The following FAM120A variants were observed in gnomAD, a reference collection of about 807,000 sequenced individuals.
The protein encoded by FAM120A is family with sequence similarity 120 member A, also known as constitutive coactivator of PPAR-gamma-like protein 1.
FAM120A carries 15 observed loss-of-function variants against 109.7 expected under a neutral mutation model. That is an observed-to-expected ratio of 0.14 (90% CI 0.09 to 0.21). FAM120A has a LOEUF of 0.21. FAM120A is among the 10% of genes least tolerant of loss of function. The probability of loss-of-function intolerance (pLI) is 1.00; values close to 1 mark genes in which losing one functional copy is unlikely to be tolerated. For synonymous variants in FAM120A, 493 were observed against 572.8 expected, an observed-to-expected ratio of 0.86 and a Z score of 1.99; for missense variants, 899 against 1,439.3, an observed-to-expected ratio of 0.62 and a Z score of 6.07.
chr9:93,471,093 G>A (rs755467517), intron 1 of FAM120A, 48 bp from the exon 2 acceptor site: 1 of 1,593,398 alleles, frequency 6.3e-7, no homozygotes, highest in South Asian at 1.1e-5. Context: ...TGAGCTTGTT[G>A]CTACAGTGTT....
At position 93,564,259 on chromosome 9, in the gene FAM120A, G is replaced by C; in HGVS notation, c.3076G>C (p.Glu1026Gln). The stretch of plus-strand genomic sequence containing the variant: ...ACCTCCTTATGCTGCTTCAGCAGAA[G>C]AAGTGGCCAAAGAACTTAAGTCAAA... ...GRPPYAASAE[E>Q]VAKELKSKSG... The change falls in exon 18 of 18, where the codon GAA (glutamate) becomes CAA (glutamine). Residue 1026 changes from glutamate to glutamine, a missense_variant. Physicochemically the swap from Glu to Gln is conservative, Grantham distance 29. Around this residue, in one of 11 missense-constraint regions of FAM120A, gnomAD observed 170 missense variants for 205.0 expected, o/e 0.83. Transcript: ENST00000277165. The C allele has an allele frequency of 3.7e-6, 6 of 1,613,506 alleles. No homozygotes were observed. Among genetic ancestry groups the C allele is most frequent in the Non-Finnish European group, 5.1e-6 (6 of 1,179,402 alleles).
chr9:93,537,869 T>C (rs556466320), intron 10 of FAM120A, among the ~76,000 whole-genome samples: 28 of 152,374 alleles, frequency 1.8e-4, no homozygotes, highest in Admixed American at 5.9e-4. Flanking sequence ...TAAGTCTGTC[T>C]GAATTTCTTT....
In FAM120A at chr9:93,452,022, G is replaced by A; in HGVS notation, c.107G>A (p.Arg36Gln). The A allele has an allele frequency of 1.9e-6, 3 of 1,560,052 alleles. No individual in the cohort carries two copies. Among genetic ancestry groups the A allele is most frequent in the Non-Finnish European group, 2.6e-6 (3 of 1,153,330 alleles). Residue 36 changes from arginine (R) to glutamine (Q), a missense_variant, in exon 1 of 18, where the codon CGG becomes CAG. This residue lies in a region of FAM120A where 258 missense variants were observed against 451.4 expected (regional missense o/e 0.57). Coordinates refer to ENST00000277165, the MANE Select transcript of FAM120A (RefSeq NM_014612.5). The surrounding 1 kb of genome is among the most constrained non-coding windows in gnomAD (Gnocchi z 7.0). ...LARGSLVGGG[R>Q]QRPPQTPLRL... The stretch of plus-strand genomic sequence containing the variant: ...CGGGGCAGCCTGGTGGGCGGCGGGC[G>A]GCAGCGGCCCCCGCAGACCCCGCTG...
intron 10 of FAM120A, among the ~76,000 whole-genome samples, chr9:93,535,367 C>T (rs1467847972): frequency 6.6e-6 from 1 of 152,112 alleles, no homozygotes; most frequent in Non-Finnish European, 1.5e-5. Flanking sequence ...AGTTGGATAG[C>T]GATGTATGGA....
chr9:93,527,614 ATTTTTTTTTTTTTTT>A (rs67894788), intron 8 of FAM120A, among the ~76,000 whole-genome samples: 1 of 80,638 alleles, frequency 1.2e-5, no homozygotes, highest in African/African-American at 4.2e-5. Flanking sequence ...TTTGTATTTA[ATTTTTTTTTTTTTTT>A]TTTTTTTTTT....
intron 15 of FAM120A, among the ~76,000 whole-genome samples, chr9:93,559,515 G>A (rs137912089): frequency 1.8e-4 from 28 of 152,368 alleles, no homozygotes; most frequent in South Asian, 8.3e-4. Flanking sequence ...GTGCGGAAAG[G>A]TGACTTGCAG....
intron 1 of FAM120A, among the ~76,000 whole-genome samples, chr9:93,455,795 TG>T (rs1430610153): frequency 6.6e-6 from 1 of 152,118 alleles, no homozygotes; most frequent in Non-Finnish European, 1.5e-5. Context: ...CCCTAGTAGC[TG>T]GGATTATAGG....
chr9:93,509,251 C>A (rs1320175209), intron 5 of FAM120A, among the ~76,000 whole-genome samples: 1 of 152,244 alleles, frequency 6.6e-6, no homozygotes, highest in Non-Finnish European at 1.5e-5. Context: ...CTGGACCCAC[C>A]CAGTGGCCCT....
intron 3 of FAM120A, among the ~76,000 whole-genome samples, chr9:93,481,042 G>A (rs551384251): frequency 6.6e-6 from 1 of 152,340 alleles, no homozygotes; most frequent in South Asian, 2.1e-4. Context: ...GTGCCCCCAT[G>A]CCTGCCTCCT....
In FAM120A at chr9:93,460,185, A is replaced by G. The variant is rs1425546104; in HGVS notation, c.474+7796A>G. On this transcript the variant is annotated intron_variant, in intron 1 of 17. Transcript: ENST00000277165. ...GAATAAATGTCAAATATCGCGTAAC[A>G]TGAAGAAGAGAGATTTTAGGATTTG... is the stretch of plus-strand genomic sequence containing the variant. 2.0e-5 allele frequency among the ~76,000 whole-genome samples: 3 copies of G among 152,348 alleles called. No individual in the cohort carries two copies. The South Asian group carries it at 6.2e-4, about 32-fold the overall frequency.
Position 93,476,312 on chromosome 9 carries a change from C to G in FAM120A, c.778C>G (p.Pro260Ala), listed in dbSNP as rs758674167. 1 of 1,607,930 alleles carries G rather than the reference C, an allele frequency of 6.2e-7. No homozygotes were observed. Among genetic ancestry groups the G allele is most frequent in the Non-Finnish European group, 8.5e-7 (1 of 1,174,700 alleles). Residue 260 changes from proline to alanine, a missense_variant, in exon 3 of 18, where the codon CCA (proline) becomes GCA (alanine). Coordinates refer to ENST00000277165, the MANE Select transcript of FAM120A (RefSeq NM_014612.5). ...TTCCTTTCACTGGAGTTTACTTGGT[C>G]CAGAACATCCACTAGCCTCACTAAA... ...LASFHWSLLG[P>A]EHPLASLKVR...
intron 3 of FAM120A, 59 bp downstream of exon 3, chr9:93,476,397 A>G: frequency 8.7e-7 from 1 of 1,148,882 alleles, no homozygotes; most frequent in South Asian, 1.2e-5. Flanking sequence ...GTTTGCTATT[A>G]CTTTAATAAC....
At chr9:93,510,778 G>T (rs1286972069) in intron 5 of FAM120A, among the ~76,000 whole-genome samples, 4 of 151,868 alleles carry the variant, frequency 2.6e-5, no homozygotes, top group Admixed American at 6.5e-5. Context: ...TTCCTATTCT[G>T]CCTTCTTGAA....
intron 3 of FAM120A, among the ~76,000 whole-genome samples, chr9:93,478,398 G>A (rs138941478): frequency 3.3e-4 from 50 of 152,064 alleles, no homozygotes; most frequent in African/African-American, 1.1e-3. Flanking sequence ...GACTTGATAC[G>A]TTGTAGGATT....
At chr9:93,525,438 A>C (rs943584534) in intron 7 of FAM120A, among the ~76,000 whole-genome samples, 3 of 152,136 alleles carry the variant, frequency 2.0e-5, no homozygotes, top group African/African-American at 7.2e-5. Context: ...TACCCTGGGG[A>C]TGGGTGCTTG....
At chr9:93,552,551 G>A (rs1055645316) in intron 12 of FAM120A, among the ~76,000 whole-genome samples, 1 of 151,566 alleles carries the variant, frequency 6.6e-6, no homozygotes, top group Non-Finnish European at 1.5e-5. Context: ...CATTTGTTGG[G>A]GGGGAAAGGC....
In FAM120A at chr9:93,550,686, C is replaced by T; in HGVS notation, c.2269C>T (p.Leu757Phe). Reference sequence around the variant, plus strand: ...CTACGAGCCTGATCAGCTCCAGGAGCTCAAGGTAATTTATCAGCCTCATTG... The same window carrying T: ...CTACGAGCCTGATCAGCTCCAGGAGTTCAAGGTAATTTATCAGCCTCATTG... ...KLYEPDQLQE[L>F]KIENLDPRGI... Residue 757 changes from leucine to phenylalanine, a missense_variant, in exon 12 of 18, where the codon CTC becomes TTC. This residue lies in a region of FAM120A where 52 missense variants were observed against 49.7 expected (regional missense o/e 1.05). Coordinates refer to ENST00000277165, the MANE Select transcript of FAM120A (RefSeq NM_014612.5). The T allele has an allele frequency of 6.2e-7, 1 of 1,613,126 alleles. No individual in the cohort carries two copies. The highest frequency in any genetic ancestry group is 1.1e-5 in the South Asian group (1 of 91,062).
At chr9:93,453,819 T>C (rs1221517922) in intron 1 of FAM120A, among the ~76,000 whole-genome samples, 1 of 152,188 alleles carries the variant, frequency 6.6e-6, no homozygotes, top group African/African-American at 2.4e-5. Context: ...TCCATCTCCC[T>C]AATAGAGCGT....
chr9:93,453,316 G>T, intron 1 of FAM120A: 2 of 986,684 alleles, frequency 2.0e-6, no homozygotes, highest in Non-Finnish European at 2.4e-6. Flanking sequence ...AGCTGGCACT[G>T]GGCCAGAGGA....
Sources: allele counts gnomAD v4.1 joint callset (sites outside exome capture counted in the v4.1 genomes callset), GRCh38; gene constraint gnomAD v4.1.1; regional missense constraint gnomAD v4.1.1; non-coding constraint Gnocchi (gnomAD v3.1); transcripts MANE v1.5; gene names NCBI Gene and HGNC (gene_info 2026-07-23, HGNC 2026-07-21).